Variants in MAF observed in about 807,000 individuals in gnomAD.
MAF encodes transcription factor Maf.
MAF carries 10 observed loss-of-function variants against 22.0 expected under a neutral mutation model. The observed-to-expected ratio is 0.45, with a 90% CI of 0.28 to 0.77. The LOEUF is 0.77. MAF is among the 30% of genes least tolerant of loss of function. The probability of loss-of-function intolerance (pLI) is 0.12; values close to 1 mark genes in which losing one functional copy is unlikely to be tolerated. For synonymous variants in MAF, 337 were observed against 255.8 expected, an observed-to-expected ratio of 1.32 and a Z score of -3.03; for missense variants, 544 against 548.4, an observed-to-expected ratio of 0.99 and a Z score of 0.08.
the MAF span, among the ~76,000 whole-genome samples, chr16:79,573,891 T>G: frequency 1.3e-5 from 2 of 152,202 alleles, no homozygotes; most frequent in Non-Finnish European, 2.9e-5. Flanking sequence ...TTTGACAGAT[T>G]GCAAAGATGT....
At chr16:79,249,478 G>C in the MAF span, among the ~76,000 whole-genome samples, 1 of 151,244 alleles carries the variant, frequency 6.6e-6, no homozygotes, top group Non-Finnish European at 1.5e-5. Flanking sequence ...CACCATGTGA[G>C]GCCAGAGAAA....
At chr16:79,213,038 C>G in the MAF span, 1 of 129,382 alleles carries the variant, frequency 7.7e-6, no homozygotes, top group Non-Finnish European at 1.7e-5. Context: ...TAGTGATTAG[C>G]GGGTATCTCT....
chr16:79,499,566 G>A, the MAF span, among the ~76,000 whole-genome samples: 2 of 152,114 alleles, frequency 1.3e-5, no homozygotes, highest in African/African-American at 4.8e-5. Context: ...TCACGAGAAT[G>A]GGGTCATCAT....
At chr16:79,211,414 C>G in the MAF span, among the ~76,000 whole-genome samples, 12 of 152,122 alleles carry the variant, frequency 7.9e-5, no homozygotes, top group African/African-American at 2.9e-4. Context: ...AGTTTATGAA[C>G]TCGTTTTTCC....
the MAF span, among the ~76,000 whole-genome samples, chr16:79,458,438 C>T: frequency 1.3e-5 from 2 of 152,050 alleles, no homozygotes; most frequent in Admixed American, 1.3e-4. Flanking sequence ...CATGAGGAGT[C>T]ATTTTTATAT....
the MAF span, among the ~76,000 whole-genome samples, chr16:79,575,471 G>A: frequency 6.6e-6 from 1 of 152,196 alleles, no homozygotes; most frequent in Non-Finnish European, 1.5e-5. Context: ...CTGGACAAGA[G>A]ATGAACACCT....
At chr16:79,427,843 G>A in the MAF span, among the ~76,000 whole-genome samples, 124 of 152,214 alleles carry the variant, frequency 8.1e-4, no homozygotes, top group Middle Eastern at 3.4e-3. Context: ...GAAAGAATCT[G>A]ATTTTATACA....
chr16:79,429,357 A>G, the MAF span, among the ~76,000 whole-genome samples: 1 of 152,184 alleles, frequency 6.6e-6, no homozygotes, highest in African/African-American at 2.4e-5. Context: ...ACGGAGGGAT[A>G]CTTTCTGCTC....
At chr16:79,211,944 T>A in the MAF span, 6 of 1,537,268 alleles carry the variant, frequency 3.9e-6, no homozygotes, top group Non-Finnish European at 5.2e-6. Flanking sequence ...GTGAAAAATC[T>A]TAAGTACCAA....
chr16:79,277,696 C>G, the MAF span, among the ~76,000 whole-genome samples: 1 of 152,164 alleles, frequency 6.6e-6, no homozygotes, highest in Admixed American at 6.5e-5. Context: ...TCTATGTGAC[C>G]AGGAGGGAGT....
At chr16:79,213,816 C>T in the MAF span, among the ~76,000 whole-genome samples, 1 of 152,182 alleles carries the variant, frequency 6.6e-6, no homozygotes, top group Non-Finnish European at 1.5e-5. Context: ...TTATTTTAAG[C>T]CACTAAGTTT....
chr16:79,285,015 T>C, the MAF span, among the ~76,000 whole-genome samples: 2 of 152,224 alleles, frequency 1.3e-5, no homozygotes, highest in Non-Finnish European at 2.9e-5. Flanking sequence ...TATGCAAATT[T>C]GCCAACCAAA....
chr16:79,364,807 T>C, the MAF span, among the ~76,000 whole-genome samples: 13 of 152,216 alleles, frequency 8.5e-5, no homozygotes, highest in Non-Finnish European at 1.3e-4. Context: ...GGCAGAACTA[T>C]TGCATGTGTA....
chr16:79,405,858 C>T, the MAF span, among the ~76,000 whole-genome samples: 1 of 152,088 alleles, frequency 6.6e-6, no homozygotes, highest in South Asian at 2.1e-4. Context: ...CAGATGCCAC[C>T]CGTCAACCAT....
At chr16:79,296,670 T>A in the MAF span, among the ~76,000 whole-genome samples, 1 of 151,968 alleles carries the variant, frequency 6.6e-6, no homozygotes, top group African/African-American at 2.4e-5. Flanking sequence ...TTTGACCACA[T>A]TAGAGTCTTG....
At chr16:79,435,384 G>C in the MAF span, among the ~76,000 whole-genome samples, 4 of 152,166 alleles carry the variant, frequency 2.6e-5, no homozygotes, top group Non-Finnish European at 5.9e-5. Flanking sequence ...GGAATTCAAG[G>C]CCAAAGCCCT....
At chr16:79,330,348 T>C in the MAF span, among the ~76,000 whole-genome samples, 8 of 152,364 alleles carry the variant, frequency 5.3e-5, no homozygotes, top group East Asian at 3.9e-4. Flanking sequence ...TCTTTGGAGA[T>C]GCCAGGAAAG....
the MAF span, among the ~76,000 whole-genome samples, chr16:79,309,730 G>A: frequency 6.6e-6 from 1 of 152,136 alleles, no homozygotes; most frequent in African/African-American, 2.4e-5. Context: ...AAATTACGAG[G>A]TGGTCATTAG....
chr16:79,231,377 T>A, the MAF span, among the ~76,000 whole-genome samples: 4 of 152,172 alleles, frequency 2.6e-5, no homozygotes, highest in South Asian at 6.2e-4. Context: ...ACATCAGATA[T>A]AAACCTGAAA....
Sources: gnomAD v4.1 joint callset for allele counts (sites outside exome capture counted in the v4.1 genomes callset) on GRCh38, gnomAD v4.1.1 for gene constraint, MANE v1.5 for transcripts, NCBI Gene and HGNC (gene_info 2026-07-23, HGNC 2026-07-21) for gene names.